Variants in SUGCT observed in about 807,000 individuals in gnomAD.
SUGCT encodes the protein succinyl-CoA:glutarate CoA-transferase.
In SUGCT, 41 loss-of-function variants were observed where a neutral mutation model predicts 55.0. That is an observed-to-expected ratio of 0.74 (90% CI 0.58 to 0.97). The LOEUF (loss-of-function observed/expected upper bound fraction) is 0.97. Among genes scored for constraint, SUGCT ranks in the 50% least tolerant of loss-of-function variants. The probability of loss-of-function intolerance (pLI) is 0.00; values close to 1 mark genes in which losing one functional copy is unlikely to be tolerated. For missense variants in SUGCT, 568 were observed against 547.8 expected (o/e 1.04, Z -0.37); for synonymous variants, 187 against 200.4 (o/e 0.93, Z 0.56).
intron 9 of SUGCT, among the ~76,000 whole-genome samples, chr7:40,344,315 T>C (rs548654486): frequency 6.6e-6 from 1 of 152,314 alleles, no homozygotes; most frequent in South Asian, 2.1e-4. Flanking sequence ...GTAGCTTCAT[T>C]ATCAGCTTTT....
intron 12 of SUGCT, among the ~76,000 whole-genome samples, chr7:40,713,657 G>T (rs1177764794): frequency 6.6e-6 from 1 of 152,214 alleles, no homozygotes; most frequent in Non-Finnish European, 1.5e-5. Flanking sequence ...AACAGAGGTG[G>T]ATGTAATTCC....
At chr7:40,228,613 TGGCA>T (rs920994416) in intron 6 of SUGCT, among the ~76,000 whole-genome samples, 8 of 152,310 alleles carry the variant, frequency 5.3e-5, no homozygotes, top group Middle Eastern at 6.8e-3. Flanking sequence ...TCTGTGATGT[TGGCA>T]GGCATTGATG....
intron 8 of SUGCT, among the ~76,000 whole-genome samples, chr7:40,314,720 A>T (rs559169205): frequency 1.3e-5 from 2 of 152,030 alleles, no homozygotes; most frequent in East Asian, 3.9e-4. Flanking sequence ...ATGTGCCACC[A>T]TGCCTGGCTA....
chr7:40,703,284 G>A (rs894824465), intron 12 of SUGCT, among the ~76,000 whole-genome samples: 1 of 152,034 alleles, frequency 6.6e-6, no homozygotes, highest in Non-Finnish European at 1.5e-5. Flanking sequence ...GGCTGGTCTC[G>A]ACAGCCTGTC....
intron 6 of SUGCT, among the ~76,000 whole-genome samples, chr7:40,215,598 C>T (rs1787578371): frequency 6.6e-6 from 1 of 152,144 alleles, no homozygotes; most frequent in Admixed American, 6.5e-5. Flanking sequence ...CATGGTGGCT[C>T]ATGCCTGTAA....
At chr7:40,832,735 C>T (rs1270669004) in intron 13 of SUGCT, among the ~76,000 whole-genome samples, 2 of 151,026 alleles carry the variant, frequency 1.3e-5, no homozygotes, top group Non-Finnish European at 3.0e-5. Context: ...AGTGCAGTGG[C>T]CCAATCTTGG....
chr7:40,637,715 T>G (rs1195384473), intron 12 of SUGCT, among the ~76,000 whole-genome samples: 1 of 152,210 alleles, frequency 6.6e-6, no homozygotes, highest in Non-Finnish European at 1.5e-5. Flanking sequence ...TTACCTCTCT[T>G]GTTTCTTAGT....
intron 6 of SUGCT, among the ~76,000 whole-genome samples, chr7:40,226,619 A>C (rs1788379402): frequency 6.6e-6 from 1 of 151,960 alleles, no homozygotes; most frequent in Non-Finnish European, 1.5e-5. Context: ...AGGGTATCCA[A>C]AGTGGAAAAC....
chr7:40,448,530 T>C (rs1482847454), intron 9 of SUGCT, among the ~76,000 whole-genome samples: 1 of 151,972 alleles, frequency 6.6e-6, no homozygotes, highest in East Asian at 1.9e-4. Flanking sequence ...TAGAACCATC[T>C]AAATGAAACC....
At chr7:40,739,091 A>G (rs541331246) in intron 12 of SUGCT, among the ~76,000 whole-genome samples, 1 of 152,198 alleles carries the variant, frequency 6.6e-6, no homozygotes, top group Non-Finnish European at 1.5e-5. Context: ...GAGAGATCCC[A>G]TGTAGCCCTG....
intron 12 of SUGCT, among the ~76,000 whole-genome samples, chr7:40,508,153 G>A (rs1314119146): frequency 1.3e-5 from 2 of 152,146 alleles, no homozygotes; most frequent in African/African-American, 4.8e-5. Context: ...CTTTTCCTGA[G>A]TAACATTCCT....
intron 12 of SUGCT, among the ~76,000 whole-genome samples, chr7:40,599,667 C>T (rs746631926): frequency 6.6e-6 from 1 of 152,186 alleles, no homozygotes; most frequent in East Asian, 1.9e-4. Flanking sequence ...AGCTAAGTTT[C>T]CCCAGGCTTA....
At chr7:40,749,593 T>C in intron 13 of SUGCT, 96 bp downstream of exon 13, 1 of 950,732 alleles carries the variant, frequency 1.1e-6, no homozygotes, top group East Asian at 2.4e-5. Flanking sequence ...CAAACAACTT[T>C]CCAAGACATT....
intron 9 of SUGCT, among the ~76,000 whole-genome samples, chr7:40,403,503 G>A (rs1319411557): frequency 6.6e-6 from 1 of 152,130 alleles, no homozygotes; most frequent in Non-Finnish European, 1.5e-5. Context: ...TGTAAAACGG[G>A]AATAACGGGA....
At chr7:40,228,197 T>C (rs1314057763) in intron 6 of SUGCT, among the ~76,000 whole-genome samples, 1 of 152,088 alleles carries the variant, frequency 6.6e-6, no homozygotes, top group Non-Finnish European at 1.5e-5. Context: ...TTTCTTTCCT[T>C]TTTTGTCATT....
chr7:40,452,475 T>C (rs1463366393), intron 10 of SUGCT, among the ~76,000 whole-genome samples: 1 of 152,040 alleles, frequency 6.6e-6, no homozygotes, highest in Admixed American at 6.6e-5. Flanking sequence ...TGGGGTGAGG[T>C]AGAGGAAACT....
chr7:40,516,961 G>T (rs1364305359), intron 12 of SUGCT, among the ~76,000 whole-genome samples: 1 of 151,986 alleles, frequency 6.6e-6, no homozygotes, highest in Non-Finnish European at 1.5e-5. Context: ...ATCGATGAAG[G>T]TGATATGTTT....
intron 12 of SUGCT, among the ~76,000 whole-genome samples, chr7:40,691,108 A>C (rs907737135): frequency 1.3e-5 from 2 of 152,200 alleles, no homozygotes; most frequent in African/African-American, 4.8e-5. Context: ...AGAACTAAGG[A>C]TCTCAAAGAA....
chr7:40,892,424 A>G, the SUGCT span, among the ~76,000 whole-genome samples: 1 of 152,254 alleles, frequency 6.6e-6, no homozygotes, highest in Non-Finnish European at 1.5e-5. Context: ...ATCACAAAAG[A>G]AGACAGAAAG....
Sources: allele counts gnomAD v4.1 joint callset (sites outside exome capture counted in the v4.1 genomes callset), GRCh38; gene constraint gnomAD v4.1.1; transcripts MANE v1.5; gene names NCBI Gene and HGNC (gene_info 2026-07-23, HGNC 2026-07-21).